Variants in CFAP61 observed in about 807,000 individuals in gnomAD.
CFAP61 encodes the protein cilia and flagella associated protein 61.
A neutral mutation model predicts 135.6 loss-of-function variants in CFAP61; 107 were observed. The observed-to-expected ratio is 0.79, with a 90% CI of 0.67 to 0.93. CFAP61 has a LOEUF of 0.93. Among genes scored for constraint, CFAP61 ranks in the 40% least tolerant of loss-of-function variants. The probability of loss-of-function intolerance (pLI) is 0.00; values close to 1 mark genes in which losing one functional copy is unlikely to be tolerated. For synonymous variants in CFAP61, 575 were observed against 578.5 expected (o/e 0.99, Z 0.09); for missense variants, 1,507 against 1,556.2 (o/e 0.97, Z 0.53).
At chr20:20,323,743 G>T (rs1216527857) in intron 25 of CFAP61, among the ~76,000 whole-genome samples, 3 of 152,148 alleles carry the variant, frequency 2.0e-5, no homozygotes, top group Non-Finnish European at 4.4e-5. Context: ...CCAACATGGG[G>T]GTTGTGGCGG....
intron 26 of CFAP61, among the ~76,000 whole-genome samples, chr20:20,355,491 G>A (rs368510048): frequency 9.8e-6 from 1 of 102,390 alleles, no homozygotes; most frequent in African/African-American, 3.8e-5. Context: ...ACACTGTGAG[G>A]GGAGGTGGTC....
At chr20:20,355,087 AAGGTGGTCACACTGTGTGAGGGG>A (rs2059029414) in intron 26 of CFAP61, among the ~76,000 whole-genome samples, 1 of 77,442 alleles carries the variant, frequency 1.3e-5, no homozygotes, top group Non-Finnish European at 2.6e-5. Context: ...TGTGAGAGGG[AAGGTGGTCACACTGTGTGAGGGG>A]AGGTGGTCAC....
intron 22 of CFAP61, among the ~76,000 whole-genome samples, chr20:20,282,693 C>T (rs761532905): frequency 1.3e-5 from 2 of 152,150 alleles, no homozygotes; most frequent in African/African-American, 2.4e-5. Context: ...AATCCCAGCA[C>T]ATTGGGAGAC....
At chr20:20,107,877 T>G (rs1191569288) in intron 8 of CFAP61, 5 of 152,218 alleles carry the variant, frequency 3.3e-5, no homozygotes, top group Non-Finnish European at 7.3e-5. Context: ...TCTTCCTGCC[T>G]TGGCCTCCCA....
intron 18 of CFAP61, among the ~76,000 whole-genome samples, chr20:20,244,337 T>G (rs1003948094): frequency 6.6e-6 from 1 of 152,242 alleles, no homozygotes; most frequent in Non-Finnish European, 1.5e-5. Context: ...AACTTCTGCC[T>G]GGACATCCAG....
chr20:20,246,517 G>A (rs1033412740), intron 19 of CFAP61, among the ~76,000 whole-genome samples: 1 of 152,178 alleles, frequency 6.6e-6, no homozygotes, highest in African/African-American at 2.4e-5. Flanking sequence ...ACACTACAGG[G>A]CAATGAAGGT....
intron 25 of CFAP61, 82 bp from the exon 26 acceptor site, chr20:20,341,749 T>C: frequency 2.0e-6 from 2 of 990,472 alleles, no homozygotes; most frequent in South Asian, 1.5e-5. Flanking sequence ...CTGTAATTTA[T>C]AAAGGCAAAA....
intron 22 of CFAP61, among the ~76,000 whole-genome samples, chr20:20,285,931 A>C (rs1321827860): frequency 1.3e-5 from 2 of 151,552 alleles, no homozygotes; most frequent in African/African-American, 2.4e-5. Flanking sequence ...AAAAAAAAAA[A>C]AAAACAAAAA....
chr20:20,186,792 G>A (rs1039823529), intron 13 of CFAP61, among the ~76,000 whole-genome samples: 5 of 152,174 alleles, frequency 3.3e-5, no homozygotes, highest in African/African-American at 9.7e-5. Flanking sequence ...ACAGTTAAAA[G>A]TTAAATAGAT....
chr20:20,212,769 C>T (rs1012787488), intron 17 of CFAP61, among the ~76,000 whole-genome samples: 2 of 152,158 alleles, frequency 1.3e-5, no homozygotes, highest in Admixed American at 1.3e-4. Flanking sequence ...TGTTCTGCTT[C>T]GCTGGTTAGG....
chr20:20,107,192 G>A (rs1020846437), intron 8 of CFAP61, among the ~76,000 whole-genome samples: 4 of 152,294 alleles, frequency 2.6e-5, no homozygotes, highest in East Asian at 1.9e-4. Flanking sequence ...TGAGCCAAGC[G>A]GCTAAGGAAG....
At chr20:20,304,311 A>T (rs1024383292) in intron 25 of CFAP61, among the ~76,000 whole-genome samples, 72 of 110,136 alleles carry the variant, frequency 6.5e-4, no homozygotes, top group East Asian at 2.6e-3. Context: ...TGTGAGAGAG[A>T]GAGAGAGAGA....
chr20:20,316,146 C>T (rs1158890996), intron 25 of CFAP61, among the ~76,000 whole-genome samples: 2,210 of 151,550 alleles, frequency 0.015, 61 homozygotes, highest in African/African-American at 0.05. Context: ...GCCATTTTCA[C>T]GATATTGATT....
intron 26 of CFAP61, among the ~76,000 whole-genome samples, chr20:20,356,600 G>A (rs1439376555): frequency 5.3e-5 from 3 of 56,954 alleles, no homozygotes. Flanking sequence ...CTGGGGAGGT[G>A]GTCACACTGT....
intron 8 of CFAP61, among the ~76,000 whole-genome samples, chr20:20,119,070 C>T (rs1411528047): frequency 6.6e-6 from 1 of 151,948 alleles, no homozygotes; most frequent in African/African-American, 2.4e-5. Flanking sequence ...TGGTATTGGC[C>T]TGTAGTTTTC....
intron 9 of CFAP61, among the ~76,000 whole-genome samples, chr20:20,143,682 C>A (rs2051611099): frequency 6.6e-6 from 1 of 152,168 alleles, no homozygotes; most frequent in Non-Finnish European, 1.5e-5. Flanking sequence ...CTTGACAGAC[C>A]TTCTAGGTCA....
At chr20:20,180,128 A>G (rs2054943430) in intron 13 of CFAP61, among the ~76,000 whole-genome samples, 1 of 152,224 alleles carries the variant, frequency 6.6e-6, no homozygotes, top group African/African-American at 2.4e-5. Context: ...CATCTGACAA[A>G]GGTCTAATAT....
At chr20:20,314,325 G>A (rs1340631229) in intron 25 of CFAP61, among the ~76,000 whole-genome samples, 1 of 150,532 alleles carries the variant, frequency 6.6e-6, no homozygotes, top group Non-Finnish European at 1.5e-5. Flanking sequence ...GGGAGGCAGA[G>A]GCTGCATTGA....
chr20:20,106,167 CTCTT>C (rs1301767594), intron 8 of CFAP61, among the ~76,000 whole-genome samples: 2 of 151,832 alleles, frequency 1.3e-5, no homozygotes, highest in East Asian at 3.9e-4. Context: ...AGAGTTTAGA[CTCTT>C]TCAGGGCTTT....
Sources: allele counts gnomAD v4.1 joint callset (sites outside exome capture counted in the v4.1 genomes callset), GRCh38; gene constraint gnomAD v4.1.1; transcripts MANE v1.5; gene names NCBI Gene and HGNC (gene_info 2026-07-23, HGNC 2026-07-21).